Variants in PID1 observed in about 807,000 individuals in gnomAD.
PID1 encodes PTB-containing, cubilin and LRP1-interacting protein.
A neutral mutation model predicts 19.1 loss-of-function variants in PID1; 10 were observed. The observed-to-expected ratio is 0.52, with a 90% CI of 0.32 to 0.89. The LOEUF (loss-of-function observed/expected upper bound fraction) is 0.89. Among genes scored for constraint, PID1 ranks in the 40% least tolerant of loss-of-function variants. PID1 has a pLI of 0.03. For synonymous variants in PID1, 130 were observed against 116.0 expected (o/e 1.12, Z -0.78); for missense variants, 248 against 285.3 (o/e 0.87, Z 0.94).
At chr2:229,093,520 T>A (rs1694916094) in intron 2 of PID1, among the ~76,000 whole-genome samples, 2 of 152,198 alleles carry the variant, frequency 1.3e-5, no homozygotes, top group Admixed American at 1.3e-4. Flanking sequence ...CAATAACATT[T>A]ACTCATTACA....
At chr2:229,156,098 A>C in intron 1 of PID1, 134 bp from the exon 2 acceptor site, 1 of 711,178 alleles carries the variant, frequency 1.4e-6, no homozygotes, top group Non-Finnish European at 2.3e-6. Context: ...ATATTTAGTA[A>C]AACAGAGGAG....
chr2:229,240,390 A>G, intron 1 of PID1, among the ~76,000 whole-genome samples: 1 of 152,138 alleles, frequency 6.6e-6, no homozygotes, highest in Admixed American at 6.6e-5. Context: ...TACAGTACAG[A>G]AATCTACTTA....
rs1397670640 is a variant in PID1, at chr2:229,153,137, C to T, written c.177+2681G>A. Among the ~76,000 whole-genome samples, 4 of 152,176 alleles carry T rather than the reference C, an allele frequency of 2.6e-5. No homozygotes were observed. The East Asian group carries it at 5.8e-4, about 22-fold the overall frequency. On this transcript the variant is annotated intron_variant, in intron 2 of 2. Coordinates refer to ENST00000392055, the MANE Select transcript of PID1 (RefSeq NM_001100818.2). ...AAGATCTAAAAGGATTTTAAACCAA[C>T]ATTTCAAGGTTCAAATAGATTTTTT...
At chr2:229,203,405 G>T (rs1454192129) in intron 1 of PID1, among the ~76,000 whole-genome samples, 5 of 151,974 alleles carry the variant, frequency 3.3e-5, no homozygotes, top group Non-Finnish European at 7.4e-5. Flanking sequence ...GAAACATACA[G>T]CAGGTCCTCA....
rs1317217988 is a variant in PID1 at position 229,026,104 on chromosome 2, G to A, written c.182C>T (p.Thr61Ile). ...KTRTHSGCKV[T>I]YLGKVSTTGM... Reference sequence around the variant, plus strand: ...AGTGGTGGAGACTTTGCCCAGGTAGGTAACCTGCAGATGCAAGAGAGGAAG... The same window carrying A: ...AGTGGTGGAGACTTTGCCCAGGTAGATAACCTGCAGATGCAAGAGAGGAAG... The change falls in exon 3 of 3, where the codon ACC (threonine) becomes ATC (isoleucine). Residue 61 changes from threonine (T) to isoleucine (I), a missense_variant. By Grantham distance (89) the Thr-to-Ile change is moderately conservative (BLOSUM62 -1). Coordinates refer to ENST00000392055, the MANE Select transcript of PID1 (RefSeq NM_001100818.2). 1 of 1,611,304 alleles carries A rather than the reference G, an allele frequency of 6.2e-7. No homozygotes were observed. Among genetic ancestry groups the A allele is most frequent in the Non-Finnish European group, 8.5e-7 (1 of 1,177,702 alleles).
At chr2:229,117,045 C>G (rs905273180) in intron 2 of PID1, among the ~76,000 whole-genome samples, 4 of 152,188 alleles carry the variant, frequency 2.6e-5, no homozygotes, top group Admixed American at 2.0e-4. Flanking sequence ...CGTCCTCCCA[C>G]AAGCTTTTAT....
chr2:229,176,600 C>T (rs917729), intron 1 of PID1, among the ~76,000 whole-genome samples: 39 of 152,306 alleles, frequency 2.6e-4, no homozygotes, highest in African/African-American at 8.9e-4. Flanking sequence ...ATGTCTACAT[C>T]TACTATGTTG....
In PID1 at chr2:229,162,743, A is replaced by C. The variant is rs937835805; in HGVS notation, c.31-6779T>G. Among the ~76,000 whole-genome samples, 3 of 152,232 alleles carry C rather than the reference A, an allele frequency of 2.0e-5. No homozygotes were observed. The East Asian group carries it at 5.8e-4, about 29-fold the overall frequency. On this transcript the variant is annotated intron_variant, in intron 1 of 2. Coordinates refer to ENST00000392055, the MANE Select transcript of PID1 (RefSeq NM_001100818.2). ...ATTACTTTGGGGATTCGAAAGGATTAATGGAACTCACTTGTGGTTTTCTCA... is the reference window on the plus strand; with the variant it reads ...ATTACTTTGGGGATTCGAAAGGATTCATGGAACTCACTTGTGGTTTTCTCA...
chr2:229,079,422 T>C (rs547246715), intron 2 of PID1, among the ~76,000 whole-genome samples: 1 of 152,232 alleles, frequency 6.6e-6, no homozygotes, highest in Non-Finnish European at 1.5e-5. Flanking sequence ...GTCAAGAATA[T>C]ATGCTCTGAG....
At chr2:229,048,353 A>G (rs1203493090) in intron 2 of PID1, among the ~76,000 whole-genome samples, 1 of 152,158 alleles carries the variant, frequency 6.6e-6, no homozygotes, top group Non-Finnish European at 1.5e-5. Flanking sequence ...CCCTAAAAAC[A>G]TTAACAAAAT....
At chr2:229,036,347 C>T (rs1693662811) in intron 2 of PID1, among the ~76,000 whole-genome samples, 1 of 152,196 alleles carries the variant, frequency 6.6e-6, no homozygotes, top group South Asian at 2.1e-4. Context: ...GCTCATATGA[C>T]TCTGAATCAA....
chr2:229,200,612 C>T (rs138820741), intron 1 of PID1, among the ~76,000 whole-genome samples: 84 of 152,172 alleles, frequency 5.5e-4, no homozygotes, highest in Non-Finnish European at 1.0e-3. Flanking sequence ...TGAGCTCCCA[C>T]TACGCTACCT....
At chr2:229,104,964 C>T (rs1026976480) in intron 2 of PID1, among the ~76,000 whole-genome samples, 1 of 152,186 alleles carries the variant, frequency 6.6e-6, no homozygotes, top group Non-Finnish European at 1.5e-5. Context: ...GACACAGACA[C>T]AAATGTTCCC....
intron 1 of PID1, among the ~76,000 whole-genome samples, chr2:229,220,470 C>T (rs1574733545): frequency 6.6e-6 from 1 of 152,134 alleles, no homozygotes; most frequent in African/African-American, 2.4e-5. Flanking sequence ...GTCAGGACTC[C>T]AACGGCCCAT....
At chr2:229,185,080 T>C (rs1187169812) in intron 1 of PID1, among the ~76,000 whole-genome samples, 1 of 145,884 alleles carries the variant, frequency 6.9e-6, no homozygotes, top group African/African-American at 2.5e-5. Flanking sequence ...ATATATATCC[T>C]ACATATATAT....
rs200986205 is a variant in PID1 at position 229,139,041 on chromosome 2, G to C, written c.177+16777C>G. ...AAAGAAAGAAAGAAAGAAAGAAAGA[G>C]AAAGAAAGAAAGAAAGAGAAAGAAA... is the stretch of plus-strand genomic sequence containing the variant. On this transcript the variant is annotated intron_variant, in intron 2 of 2. Coordinates refer to ENST00000392055, the MANE Select transcript of PID1 (RefSeq NM_001100818.2). Among the ~76,000 whole-genome samples, 68 of 51,130 alleles carry C rather than the reference G, an allele frequency of 1.3e-3. 2 individuals carry two copies. Among genetic ancestry groups the C allele is most frequent in the Non-Finnish European group, 2.6e-3 (59 of 22,322 alleles). The allele number at this position is 51,130 out of a possible 152,430, so 33.5% of individuals were successfully genotyped here.
chr2:229,090,505 T>G (rs1383670553), intron 2 of PID1, among the ~76,000 whole-genome samples: 2 of 152,168 alleles, frequency 1.3e-5, no homozygotes, highest in Non-Finnish European at 2.9e-5. Flanking sequence ...TGTCCAGTGT[T>G]GTGGCTTGTA....
intron 1 of PID1, among the ~76,000 whole-genome samples, chr2:229,197,393 G>A (rs1347721976): frequency 6.6e-6 from 1 of 151,980 alleles, no homozygotes; most frequent in African/African-American, 2.4e-5. Flanking sequence ...ATCCAGTGAA[G>A]TACCACTGGG....
In PID1 at chr2:229,138,592, A is replaced by G. The variant is rs1574658399; in HGVS notation, c.177+17226T>C. 2.0e-5 allele frequency among the ~76,000 whole-genome samples: 3 copies of G among 152,094 alleles called. No individual in the cohort carries two copies. In the South Asian group the frequency reaches 6.2e-4, roughly 31 times the overall value. ...ACTCCCTCCTCAGAAAAAATGGATC[A>G]TATTTGTTGTAGACAGTAATTTTTT... On this transcript the variant is annotated intron_variant, in intron 2 of 2. Coordinates refer to ENST00000392055, the MANE Select transcript of PID1 (RefSeq NM_001100818.2).
Sources: allele counts gnomAD v4.1 joint callset (sites outside exome capture counted in the v4.1 genomes callset), GRCh38; gene constraint gnomAD v4.1.1; transcripts MANE v1.5; gene names NCBI Gene and HGNC (gene_info 2026-07-23, HGNC 2026-07-21).